PLEKHG1: variants seen among roughly 807,000 people sequenced by gnomAD.
PLEKHG1 encodes pleckstrin homology domain-containing family G member 1.
Under a neutral mutation model 100.8 loss-of-function variants are expected in PLEKHG1, and 44 were observed. The ratio of observed to expected loss-of-function variants is 0.44; its 90% CI spans 0.34 to 0.56. The LOEUF (loss-of-function observed/expected upper bound fraction) is 0.56. PLEKHG1 is among the 20% of genes least tolerant of loss of function. The pLI is 0.01. For missense variants in PLEKHG1, 1,545 were observed against 1,720.9 expected (o/e 0.90, Z 1.81); for synonymous variants, 640 against 662.5 (o/e 0.97, Z 0.52).
rs780627496 is a variant in PLEKHG1, at chr6:150,809,748, TA to T, written c.1278+16del. 6.3e-7 allele frequency: 1 copy of T among 1,580,308 alleles called. No individual in the cohort carries two copies. The highest frequency in any genetic ancestry group is 1.1e-5 in the South Asian group (1 of 89,998). ...ATTCCAGCTAAGGTAGGACACTGAA[TA>T]ATGCACAGTGAAATGGGAGAGAGAT... On this transcript the variant is annotated intron_variant, in intron 10 of 15. Coordinates refer to ENST00000358517, the Ensembl canonical transcript of PLEKHG1.
At position 150,745,712 on chromosome 6, in the gene PLEKHG1, G is replaced by A. The variant is rs563634455; in HGVS notation, c.411+11620G>A. Among the ~76,000 whole-genome samples, 40 of 150,846 alleles carry A rather than the reference G, an allele frequency of 2.7e-4. 1 individual carries two copies. The South Asian group carries it at 4.6e-3, about 17-fold the overall frequency. On this transcript the variant is annotated intron_variant, in intron 2 of 15. Coordinates refer to ENST00000358517, the Ensembl canonical transcript of PLEKHG1. ...AAAAAAAAAAAGCAAAATCACATGC[G>A]GAGAAAAATGGGGTACCAAGAACAA...
chr6:150,789,033 T>C (rs1018142135), intron 4 of PLEKHG1, among the ~76,000 whole-genome samples: 6 of 152,238 alleles, frequency 3.9e-5, no homozygotes, highest in African/African-American at 1.4e-4. Flanking sequence ...TTTCTTGTAG[T>C]GTCCAGTGAA....
At chr6:150,810,652 G>A (rs28521308) in intron 10 of PLEKHG1, among the ~76,000 whole-genome samples, 39,707 of 151,852 alleles carry the variant, frequency 0.26, 5,369 homozygotes, top group Middle Eastern at 0.36. Context: ...AGGCACAGTG[G>A]CTCACTTTGG....
Position 150,831,272 on chromosome 6 carries a change from C to A in PLEKHG1, c.2161C>A (p.Leu721Ile). The change falls in exon 15 of 16, where the codon CTC becomes ATC. Residue 721 changes from leucine to isoleucine, a missense_variant. By Grantham distance (5) the Leu-to-Ile change is conservative. Coordinates refer to ENST00000358517, the Ensembl canonical transcript of PLEKHG1. The surrounding 1 kb of genome is among the most constrained non-coding windows in gnomAD (Gnocchi z 4.1). Reference sequence around the variant, plus strand: ...TCTTTACGCACAAACAGATGGCACCCTCTCAGGTGGAGAGGCATCCAGCCA... The same window carrying A: ...TCTTTACGCACAAACAGATGGCACCATCTCAGGTGGAGAGGCATCCAGCCA... The A allele has an allele frequency of 1.9e-6, 3 of 1,614,146 alleles. No homozygotes were observed. Among genetic ancestry groups the A allele is most frequent in the Non-Finnish European group, 2.5e-6 (3 of 1,180,028 alleles).
chr6:150,793,918 C>T (rs1177412448), intron 4 of PLEKHG1, among the ~76,000 whole-genome samples: 1 of 152,060 alleles, frequency 6.6e-6, no homozygotes, highest in Admixed American at 6.5e-5. Flanking sequence ...CCCATCTCCA[C>T]TAAAAATGCA....
intron 15 of PLEKHG1, among the ~76,000 whole-genome samples, chr6:150,837,535 A>G (rs1777293632): frequency 6.6e-6 from 1 of 152,262 alleles, no homozygotes; most frequent in South Asian, 2.1e-4. Context: ...GTTTGTTTGA[A>G]TTTTTAAAGT....
chr6:150,739,108 C>T (rs1042310448), intron 2 of PLEKHG1, among the ~76,000 whole-genome samples: 5 of 151,944 alleles, frequency 3.3e-5, no homozygotes, highest in East Asian at 1.9e-4. Flanking sequence ...ATATAGTTCA[C>T]GGCCTGTTGT....
At chr6:150,658,660 T>C (rs1212210110) in intron 3 of PLEKHG1, among the ~76,000 whole-genome samples, 1 of 152,190 alleles carries the variant, frequency 6.6e-6, no homozygotes, top group Non-Finnish European at 1.5e-5. Context: ...TGCCTCTAAC[T>C]CCTAACTCTC....
In PLEKHG1 at chr6:150,828,067, G is replaced by A. The variant is rs971504194; in HGVS notation, c.1471-2515G>A. On this transcript the variant is annotated intron_variant, in intron 14 of 15. Coordinates refer to ENST00000358517, the Ensembl canonical transcript of PLEKHG1. ...TGTGCCCTGATAAATCAGCACCTCA[G>A]TGGACTTGCCAGGAAGTTTCCTGAT... 3.2e-5 allele frequency: 51 copies of A among 1,612,878 alleles called. 1 individual carries two copies. The South Asian group carries it at 3.3e-4, about 10-fold the overall frequency.
At chr6:150,756,380 G>T in intron 2 of PLEKHG1, among the ~76,000 whole-genome samples, 1 of 152,114 alleles carries the variant, frequency 6.6e-6, no homozygotes. Flanking sequence ...AATATAGTCA[G>T]CGAGACAATC....
chr6:150,704,216 G>A (rs749837023), intron 3 of PLEKHG1, among the ~76,000 whole-genome samples: 4 of 152,126 alleles, frequency 2.6e-5, no homozygotes, highest in Non-Finnish European at 4.4e-5. Flanking sequence ...CAGCATAAAC[G>A]CACTCTTCAT....
chr6:150,754,415 C>T (rs1783701752), intron 2 of PLEKHG1, among the ~76,000 whole-genome samples: 1 of 151,990 alleles, frequency 6.6e-6, no homozygotes, highest in African/African-American at 2.4e-5. Context: ...ATCAAATTTG[C>T]GTTTTAGAAA....
intron 1 of PLEKHG1, among the ~76,000 whole-genome samples, chr6:150,730,820 T>G (rs1223237354): frequency 6.6e-6 from 1 of 151,870 alleles, no homozygotes; most frequent in Non-Finnish European, 1.5e-5. Context: ...GGAGATCGCT[T>G]GAACCTGGGA....
chr6:150,625,714 G>A (rs2345668), intron 1 of PLEKHG1: 11,425 of 152,116 alleles, frequency 0.075, 536 homozygotes, highest in Non-Finnish European at 0.1. Context: ...GGCTGGTCTC[G>A]AACTCCTGAC....
chr6:150,770,234 G>T (rs1784656357), intron 3 of PLEKHG1, among the ~76,000 whole-genome samples: 2 of 152,068 alleles, frequency 1.3e-5, no homozygotes, highest in Admixed American at 6.6e-5. Flanking sequence ...TACCCATCTT[G>T]GCTTACTAAA....
At chr6:150,769,929 A>T (rs1784632749) in intron 3 of PLEKHG1, among the ~76,000 whole-genome samples, 1 of 152,118 alleles carries the variant, frequency 6.6e-6, no homozygotes, top group Non-Finnish European at 1.5e-5. Flanking sequence ...CTCACAAAAC[A>T]TTTGCTCCAC....
In PLEKHG1 at chr6:150,734,871, G is replaced by A. The variant is rs370961329; in HGVS notation, c.411+779G>A. On this transcript the variant is annotated intron_variant, in intron 2 of 15. Coordinates refer to ENST00000358517, the Ensembl canonical transcript of PLEKHG1. ...ACATCCTCTGGAAATTCAATTATTC[G>A]ATTTTGATTTTCTGGGTCGTTTTAA... Among the ~76,000 whole-genome samples, 337 of 151,946 alleles carry A rather than the reference G, an allele frequency of 2.2e-3. 2 individuals are homozygous for A. The highest frequency in any genetic ancestry group is 4.3e-3 in the Non-Finnish European group (294 of 67,992).
intron 2 of PLEKHG1, among the ~76,000 whole-genome samples, chr6:150,766,575 A>T (rs892364808): frequency 6.6e-6 from 1 of 152,216 alleles, no homozygotes; most frequent in African/African-American, 2.4e-5. Flanking sequence ...GGTCTACAAA[A>T]ATGTGGACTC....
intron 2 of PLEKHG1, among the ~76,000 whole-genome samples, chr6:150,741,933 C>T (rs1782880249): frequency 6.6e-6 from 1 of 152,162 alleles, no homozygotes; most frequent in Non-Finnish European, 1.5e-5. Context: ...CTAATAGAAC[C>T]ACCACCGTCC....
Sources: allele counts gnomAD v4.1 joint callset (sites outside exome capture counted in the v4.1 genomes callset), GRCh38; gene constraint gnomAD v4.1.1; non-coding constraint Gnocchi (gnomAD v3.1); transcripts MANE v1.5; gene names NCBI Gene and HGNC (gene_info 2026-07-23, HGNC 2026-07-21).